Variants in SLC5A12 observed in about 807,000 individuals in gnomAD.
The protein encoded by SLC5A12 is solute carrier family 5 member 12.
In SLC5A12, 46 loss-of-function variants were observed where a neutral mutation model predicts 72.7. That is an observed-to-expected ratio of 0.63 (90% CI 0.50 to 0.81). The LOEUF (loss-of-function observed/expected upper bound fraction) is 0.81. SLC5A12 is among the 30% of genes least tolerant of loss of function. The pLI, the probability that SLC5A12 is intolerant of heterozygous loss-of-function variation, is 0.00. For synonymous variants in SLC5A12, 275 were observed against 264.4 expected, an observed-to-expected ratio of 1.04 and a Z score of -0.39; for missense variants, 683 against 740.7, an observed-to-expected ratio of 0.92 and a Z score of 0.90.
chr11:26,678,178 G>C (rs1025080035), intron 13 of SLC5A12, among the ~76,000 whole-genome samples: 2 of 152,110 alleles, frequency 1.3e-5, no homozygotes, highest in African/African-American at 4.8e-5. Flanking sequence ...GACTTCATGA[G>C]ATAGTAAGAT....
chr11:26,676,853 A>G (rs1453207052), intron 13 of SLC5A12, among the ~76,000 whole-genome samples: 1 of 152,080 alleles, frequency 6.6e-6, no homozygotes, highest in East Asian at 1.9e-4. Context: ...AGTAACATAA[A>G]CAGCATATCT....
At chr11:26,684,400 G>A (rs761423608) in intron 10 of SLC5A12, among the ~76,000 whole-genome samples, 4 of 152,084 alleles carry the variant, frequency 2.6e-5, no homozygotes, top group African/African-American at 4.8e-5. Flanking sequence ...TTCTAGGGTT[G>A]CTGAATTTGA....
At chr11:26,676,359 C>CAAAACAAA (rs1565183556) in intron 13 of SLC5A12, among the ~76,000 whole-genome samples, 2 of 108,924 alleles carry the variant, frequency 1.8e-5, no homozygotes, top group Non-Finnish European at 2.0e-5. Context: ...TTCTAGAAAA[C>CAAAACAAA]AAAAAAAAAA....
intron 2 of SLC5A12, among the ~76,000 whole-genome samples, chr11:26,712,377 T>C (rs925199444): frequency 6.6e-6 from 1 of 152,056 alleles, no homozygotes; most frequent in Admixed American, 6.6e-5. Flanking sequence ...TAGAGCAACT[T>C]ATGCAGGTTA....
intron 6 of SLC5A12, 86 bp from the exon 7 acceptor site, chr11:26,698,621 G>C (rs1854886136): frequency 1.5e-6 from 2 of 1,310,236 alleles, no homozygotes; most frequent in African/African-American, 3.0e-5. Context: ...AAGGTAAAGG[G>C]TTTTGGGTCT....
intron 10 of SLC5A12, among the ~76,000 whole-genome samples, chr11:26,684,113 G>C (rs1169814319): frequency 2.0e-5 from 3 of 151,960 alleles, no homozygotes; most frequent in Admixed American, 6.6e-5. Flanking sequence ...GAAACTCATT[G>C]AACTTCAGAG....
At chr11:26,680,159 C>T (rs1385700984) in intron 12 of SLC5A12, among the ~76,000 whole-genome samples, 2 of 150,984 alleles carry the variant, frequency 1.3e-5, no homozygotes, top group African/African-American at 4.9e-5. Context: ...CAGAAAAGGG[C>T]TACTAAAAAT....
At chr11:26,704,933 T>G (rs1280986500) in intron 4 of SLC5A12, among the ~76,000 whole-genome samples, 1 of 152,020 alleles carries the variant, frequency 6.6e-6, no homozygotes, top group East Asian at 1.9e-4. Context: ...GGAATGAGTT[T>G]GAAGAGCTAC....
chr11:26,703,425 T>TACACACAC (rs10594778), intron 6 of SLC5A12, 106 bp downstream of exon 6: 150 of 882,672 alleles, frequency 1.7e-4, no homozygotes, highest in Admixed American at 5.2e-4. Context: ...CACACATACA[T>TACACACAC]ACACACACAC....
rs972805492 is a variant in SLC5A12 at position 26,668,967 on chromosome 11, A to C, written c.*2135T>G. 3.6e-4 allele frequency: 54 copies of C among 151,986 alleles called. No individual in the cohort carries two copies. The highest frequency in any genetic ancestry group is 1.2e-3 in the African/African-American group (50 of 41,416). The allele number at this position is 151,986 out of a possible 1,614,324, so 9.4% of individuals were successfully genotyped here. On this transcript the variant is annotated 3_prime_UTR_variant, in exon 15 of 15. Transcript: ENST00000396005. Reference sequence around the variant, plus strand: ...GTGAGTAAAATTTGTGAGTAAAATGAAAAATTGTATGGTATATTTTGCTTT... The same window carrying C: ...GTGAGTAAAATTTGTGAGTAAAATGCAAAATTGTATGGTATATTTTGCTTT...
At chr11:26,691,544 T>A (rs1232180215) in intron 9 of SLC5A12, 1 of 152,076 alleles carries the variant, frequency 6.6e-6, no homozygotes, top group Admixed American at 6.6e-5. Flanking sequence ...AAGAAGCCAT[T>A]TGATAGAATA....
chr11:26,691,594 A>G (rs1282664949), intron 9 of SLC5A12: 1 of 152,206 alleles, frequency 6.6e-6, no homozygotes, highest in Non-Finnish European at 1.5e-5. Flanking sequence ...AAAAAAATAC[A>G]TAATAACATG....
intron 1 of SLC5A12, among the ~76,000 whole-genome samples, chr11:26,716,945 C>A (rs938633382): frequency 6.6e-6 from 1 of 152,018 alleles, no homozygotes; most frequent in African/African-American, 2.4e-5. Context: ...CTGTAATGAC[C>A]CATCATTTCT....
At chr11:26,713,165 C>A (rs1855272246) in intron 1 of SLC5A12, among the ~76,000 whole-genome samples, 1 of 152,098 alleles carries the variant, frequency 6.6e-6, no homozygotes, top group African/African-American at 2.4e-5. Flanking sequence ...TCTTTGAAAG[C>A]AGAGCTCTGA....
chr11:26,694,882 C>G (rs1331737166), intron 8 of SLC5A12, among the ~76,000 whole-genome samples: 1 of 151,822 alleles, frequency 6.6e-6, no homozygotes, highest in East Asian at 1.9e-4. Flanking sequence ...CCTTTCAAAC[C>G]AAAAGTCAAT....
At chr11:26,697,100 C>T in intron 8 of SLC5A12, 64 bp downstream of exon 8, 1 of 1,359,970 alleles carries the variant, frequency 7.4e-7, no homozygotes, top group Non-Finnish European at 1.0e-6. Context: ...TATTGTTGAT[C>T]ACTACACCAT....
intron 4 of SLC5A12, among the ~76,000 whole-genome samples, chr11:26,704,281 G>T (rs1431058723): frequency 6.6e-6 from 1 of 152,142 alleles, no homozygotes; most frequent in Non-Finnish European, 1.5e-5. Context: ...CTGGTCTTGA[G>T]GAAATGATGT....
chr11:26,694,189 AC>A (rs1412918716), intron 8 of SLC5A12, among the ~76,000 whole-genome samples: 2 of 152,004 alleles, frequency 1.3e-5, no homozygotes, highest in Non-Finnish European at 2.9e-5. Context: ...TTTTTCCCCT[AC>A]CTCTCAACCA....
At chr11:26,718,160 C>A (rs4923382) in intron 1 of SLC5A12, among the ~76,000 whole-genome samples, 151,170 of 152,316 alleles carry the variant, frequency 0.99, 75,035 homozygotes, top group Middle Eastern at 1. Context: ...ACAGAAACTC[C>A]AGATACTATA....
Sources: allele counts gnomAD v4.1 joint callset (sites outside exome capture counted in the v4.1 genomes callset), GRCh38; gene constraint gnomAD v4.1.1; transcripts MANE v1.5; gene names NCBI Gene and HGNC (gene_info 2026-07-23, HGNC 2026-07-21).